Variants in ANO1 observed in about 807,000 individuals in gnomAD.
The protein encoded by ANO1 is anoctamin-1.
In ANO1, 59 loss-of-function variants were observed where a neutral mutation model predicts 124.0. The observed-to-expected ratio is 0.48, with a 90% CI of 0.39 to 0.59. The LOEUF is 0.59. Ranked by LOEUF, ANO1 falls within the 20% of genes least tolerant of loss-of-function variation. The pLI, the probability that ANO1 is intolerant of heterozygous loss-of-function variation, is 0.00. For synonymous variants in ANO1, 529 were observed against 532.0 expected, an observed-to-expected ratio of 0.99 and a Z score of 0.08; for missense variants, 1,059 against 1,328.0, an observed-to-expected ratio of 0.80 and a Z score of 3.15.
chr11:70,023,008 T>A (rs1856834596), intron 1 of ANO1, among the ~76,000 whole-genome samples: 1 of 152,214 alleles, frequency 6.6e-6, no homozygotes, highest in South Asian at 2.1e-4. Flanking sequence ...AGGCAAGGAC[T>A]GCAGGTGGCC....
In ANO1 at chr11:69,995,783, G is replaced by A. The variant is rs117461526; in HGVS notation, c.58+9617G>A. 1.4e-3 allele frequency among the ~76,000 whole-genome samples: 213 copies of A among 152,220 alleles called. 1 individual carries two copies. Among genetic ancestry groups the A allele is most frequent in the African/African-American group, 3.5e-3 (147 of 41,516 alleles). On this transcript the variant is annotated intron_variant, in intron 1 of 27. Transcript: ENST00000531349. The stretch of plus-strand genomic sequence containing the variant: ...CCGATCACCTGGCTGCTTCTCCACC[G>A]TCAGGTTACTAGCACTGGTGTTTGA...
At chr11:70,144,991 T>C (rs1219264325) in intron 11 of ANO1, among the ~76,000 whole-genome samples, 1 of 152,074 alleles carries the variant, frequency 6.6e-6, no homozygotes, top group Non-Finnish European at 1.5e-5. Context: ...AGCAGCTGGG[T>C]ATTATACAAC....
chr11:70,188,162 TTC>T lies in ANO1; in HGVS notation c.*160_*161del. ...CTGATAGGACATTTTCCTTTCTTCTTTCTGTTTTCTTTCCCTTGTTTTTGCAC... is the reference window on the plus strand; with the variant it reads ...CTGATAGGACATTTTCCTTTCTTCTTTGTTTTCTTTCCCTTGTTTTTGCAC... On this transcript the variant is annotated 3_prime_UTR_variant, in exon 26 of 26. Coordinates refer to ENST00000355303, the MANE Select transcript of ANO1 (RefSeq NM_018043.7). 1 of 866,722 alleles carries T rather than the reference TTC, an allele frequency of 1.2e-6. No homozygotes were observed. Among genetic ancestry groups the T allele is most frequent in the Non-Finnish European group, 1.7e-6 (1 of 582,028 alleles). The allele number at this position is 866,722 out of a possible 1,614,324, so 53.7% of individuals were successfully genotyped here.
At chr11:70,181,880 C>T (rs1426410006) in intron 23 of ANO1, among the ~76,000 whole-genome samples, 1 of 152,216 alleles carries the variant, frequency 6.6e-6, no homozygotes, top group Non-Finnish European at 1.5e-5. Context: ...GGTCTGCAGA[C>T]AGCCCTTGAA....
At chr11:70,122,066 T>C (rs1419310295) in intron 8 of ANO1, among the ~76,000 whole-genome samples, 1 of 117,234 alleles carries the variant, frequency 8.5e-6, no homozygotes, top group Non-Finnish European at 1.8e-5. Context: ...TGTCTCTCCA[T>C]CTGCCTCTGT....
Position 70,078,614 on chromosome 11 carries a change from TCAA to T in ANO1, c.10_12del (p.Asn4del), listed in dbSNP as rs772511900. 2.4e-5 allele frequency: 35 copies of T among 1,489,330 alleles called. No homozygotes were observed. The highest frequency in any genetic ancestry group is 2.5e-5 in the Non-Finnish European group (28 of 1,110,626). 92.3% of individuals were successfully genotyped at this position (1,489,330 alleles called of 1,614,324 possible). The stretch of plus-strand genomic sequence containing the variant: ...AGCGCACAGGCGGCCACGATGAGGG[TCAA>T]CGAGAAGTACTCGACGCTCCCGGCC... On this transcript the variant is annotated inframe_deletion, in exon 1 of 26. Transcript: ENST00000355303.
chr11:70,136,086 G>T (rs1335268888), intron 11 of ANO1, among the ~76,000 whole-genome samples: 1 of 152,220 alleles, frequency 6.6e-6, no homozygotes, highest in Admixed American at 6.5e-5. Context: ...GCGCAGATTG[G>T]TCAACACCCT....
chr11:70,074,564 G>A (rs2044032639), upstream of ANO1, among the ~76,000 whole-genome samples: 2 of 152,178 alleles, frequency 1.3e-5, no homozygotes, highest in Admixed American at 1.3e-4. Context: ...CTCTCCAGGT[G>A]TGTGCACCTG....
intron 1 of ANO1, among the ~76,000 whole-genome samples, chr11:70,081,007 G>A (rs533667713): frequency 3.9e-5 from 6 of 152,354 alleles, no homozygotes; most frequent in East Asian, 1.9e-4. Flanking sequence ...GCCAGAGGGC[G>A]TGGGCTGCAT....
intron 1 of ANO1, among the ~76,000 whole-genome samples, chr11:70,006,633 TTTTCTTTCTTCTTTC>T (rs1249952934): frequency 2.1e-4 from 32 of 150,486 alleles, no homozygotes; most frequent in Middle Eastern, 3.4e-3. Context: ...TTCTTCTTTC[TTTTCTTTCTTCTTTC>T]TTTCTTTCTT....
At chr11:70,018,534 C>T (rs1257626319) in intron 1 of ANO1, among the ~76,000 whole-genome samples, 4 of 152,196 alleles carry the variant, frequency 2.6e-5, no homozygotes, top group Non-Finnish European at 4.4e-5. Context: ...CTCCACTGCA[C>T]TCTCTGTGCC....
chr11:70,099,661 T>C (rs563189527), intron 2 of ANO1, among the ~76,000 whole-genome samples: 5 of 152,240 alleles, frequency 3.3e-5, no homozygotes, highest in Admixed American at 1.3e-4. Flanking sequence ...TCCCCAGCAC[T>C]GAGGAGGTGG....
At chr11:70,038,454 C>G (rs1232679445) in intron 1 of ANO1, among the ~76,000 whole-genome samples, 2 of 152,190 alleles carry the variant, frequency 1.3e-5, no homozygotes, top group Non-Finnish European at 2.9e-5. Context: ...CGGGTGTGCT[C>G]TCACGGCAAG....
chr11:69,966,540 GC>G, the ANO1 span, among the ~76,000 whole-genome samples: 5 of 152,216 alleles, frequency 3.3e-5, no homozygotes, highest in Non-Finnish European at 5.9e-5. Flanking sequence ...ATTCGGACCT[GC>G]CACTGGGAAG....
intron 14 of ANO1, 21 bp from the exon 15 acceptor site, chr11:70,155,890 C>G (rs1161636579): frequency 3.9e-6 from 6 of 1,538,836 alleles, no homozygotes; most frequent in Non-Finnish European, 5.3e-6. Flanking sequence ...ACGGTGCTCT[C>G]TTTCCCCCAC....
At chr11:69,984,777 G>A (rs1250643968), upstream of ANO1, among the ~76,000 whole-genome samples, 1 of 152,194 alleles carries the variant, frequency 6.6e-6, no homozygotes, top group African/African-American at 2.4e-5. Context: ...AAGGGTCCCT[G>A]GCATGGGCTG....
chr11:70,025,244 T>A (rs1344482711), intron 1 of ANO1, among the ~76,000 whole-genome samples: 1 of 152,212 alleles, frequency 6.6e-6, no homozygotes, highest in Admixed American at 6.5e-5. Flanking sequence ...TGTGACAGAA[T>A]GTACAACTTA....
At chr11:70,048,587 A>C (rs1591056183) in intron 1 of ANO1, among the ~76,000 whole-genome samples, 3 of 143,008 alleles carry the variant, frequency 2.1e-5, no homozygotes, top group African/African-American at 5.2e-5. Flanking sequence ...TCTCTCCCCC[A>C]CCTCCCTCTC....
intron 1 of ANO1, among the ~76,000 whole-genome samples, chr11:69,987,423 C>G (rs1554996984): frequency 6.6e-6 from 1 of 152,116 alleles, no homozygotes; most frequent in Non-Finnish European, 1.5e-5. Flanking sequence ...ATAATCCTCC[C>G]CATTGTGCAG....
Sources: allele counts gnomAD v4.1 joint callset (sites outside exome capture counted in the v4.1 genomes callset), GRCh38; gene constraint gnomAD v4.1.1; transcripts MANE v1.5; gene names NCBI Gene and HGNC (gene_info 2026-07-23, HGNC 2026-07-21).